The following COL5A1 variants were observed in gnomAD, a reference collection of about 807,000 sequenced individuals.
The protein encoded by COL5A1 is collagen type V alpha 1 chain.
A neutral mutation model predicts 263.7 loss-of-function variants in COL5A1; 16 were observed. The ratio of observed to expected loss-of-function variants is 0.06; its 90% CI spans 0.04 to 0.09. COL5A1 has a LOEUF of 0.09. Ranked by LOEUF, COL5A1 falls within the 10% of genes least tolerant of loss-of-function variation. The pLI is 1.00. For synonymous variants in COL5A1, 1,012 were observed against 1,004.5 expected (o/e 1.01, Z -0.14); for missense variants, 2,036 against 2,540.5 (o/e 0.80, Z 4.27).
chr9:134,703,719 G>A (rs1426434462), intron 4 of COL5A1, among the ~76,000 whole-genome samples: 4 of 136,830 alleles, frequency 2.9e-5, no homozygotes. Context: ...CTCACTGCAA[G>A]CTCTGCCTCC....
chr9:134,760,574 C>A (rs1453169978), intron 18 of COL5A1, among the ~76,000 whole-genome samples: 2 of 126,410 alleles, frequency 1.6e-5, no homozygotes, highest in Non-Finnish European at 3.2e-5. Context: ...ACCCACACAC[C>A]CCCACACTCA....
At chr9:134,753,955 C>A in intron 15 of COL5A1, 52 bp downstream of exon 15, 1 of 1,488,306 alleles carries the variant, frequency 6.7e-7, no homozygotes, top group Non-Finnish European at 9.4e-7. Context: ...CGTTCTCCGG[C>A]GGCAGCGACG....
At chr9:134,828,297 C>T (rs750882611) in intron 63 of COL5A1, among the ~76,000 whole-genome samples, 1 of 152,192 alleles carries the variant, frequency 6.6e-6, no homozygotes, top group Admixed American at 6.5e-5. Context: ...CTGTGGAAAG[C>T]AGGCCTCAGG....
intron 11 of COL5A1, among the ~76,000 whole-genome samples, chr9:134,747,825 T>G (rs1011728391): frequency 1.8e-5 from 1 of 55,982 alleles, no homozygotes; most frequent in Non-Finnish European, 3.2e-5. Context: ...ACACATGCGT[T>G]CATACACATG....
chr9:134,770,883 T>A (rs1836844610), intron 25 of COL5A1, among the ~76,000 whole-genome samples: 1 of 152,246 alleles, frequency 6.6e-6, no homozygotes, highest in African/African-American at 2.4e-5. Context: ...CTTTTCCTGT[T>A]CAAACATTTT....
chr9:134,667,303 C>T (rs988971216), intron 1 of COL5A1, among the ~76,000 whole-genome samples: 10 of 152,232 alleles, frequency 6.6e-5, no homozygotes, highest in African/African-American at 2.4e-4. Context: ...CTGGTGGGCA[C>T]TGGAGGTTTG....
At position 134,828,806 on chromosome 9, in the gene COL5A1, A is replaced by T. The variant is rs113120432; in HGVS notation, c.5068-1170A>T. The stretch of plus-strand genomic sequence containing the variant: ...CACACCATACACAGACATTACACAC[A>T]GATACCACACACACACACCACACAT... On this transcript the variant is annotated intron_variant, in intron 63 of 65. Transcript: ENST00000371817. 2.6e-3 allele frequency among the ~76,000 whole-genome samples: 386 copies of T among 150,162 alleles called. 2 individuals carry two copies. The highest frequency in any genetic ancestry group is 9.0e-3 in the African/African-American group (366 of 40,756).
intron 1 of COL5A1, among the ~76,000 whole-genome samples, chr9:134,659,319 G>T (rs1832128772): frequency 6.6e-6 from 1 of 152,168 alleles, no homozygotes; most frequent in Non-Finnish European, 1.5e-5. Context: ...AACCTGGGCG[G>T]CAGAGGTTGC....
intron 4 of COL5A1, among the ~76,000 whole-genome samples, chr9:134,722,010 C>T (rs767906986): frequency 5.6e-4 from 85 of 152,366 alleles, no homozygotes; most frequent in Admixed American, 2.5e-3. Flanking sequence ...TTAGCACCTG[C>T]GCCTCGGTTT....
chr9:134,665,825 C>T (rs749936538), intron 1 of COL5A1, among the ~76,000 whole-genome samples: 4 of 152,230 alleles, frequency 2.6e-5, no homozygotes, highest in South Asian at 2.1e-4. Flanking sequence ...TGGTGGTTCA[C>T]GCCTCTAATC....
rs766852875 is a variant in COL5A1, at chr9:134,802,993, A to G, written c.3112A>G (p.Lys1038Glu). The G allele has an allele frequency of 3.1e-6, 5 of 1,597,606 alleles. No homozygotes were observed. In the East Asian group the frequency reaches 1.1e-4, roughly 36 times the overall value. Residue 1038 changes from lysine (K) to glutamate (E), a missense_variant and splice_region_variant, in exon 39 of 66, where the codon AAG becomes GAG. Lys to Glu is a moderately conservative substitution (Grantham distance 56). This residue lies in a region of COL5A1 where 1,078 missense variants were observed against 1,521.4 expected (regional missense o/e 0.71). Coordinates refer to ENST00000371817, the MANE Select transcript of COL5A1 (RefSeq NM_000093.5). ...GGGCCTTGCTGGAAAAGAAGGGACGAAGGTGAGTTTCTGGAGCCTTCTGTG... is the reference window on the plus strand; with the variant it reads ...GGGCCTTGCTGGAAAAGAAGGGACGGAGGTGAGTTTCTGGAGCCTTCTGTG... ...LPGLAGKEGT[K>E]GDPGPAGLPG...
rs1479252158 is a variant in COL5A1, at chr9:134,805,078, C to T, written c.3204+14C>T. 1 of 1,613,904 alleles carries T rather than the reference C, an allele frequency of 6.2e-7. No individual in the cohort carries two copies. Among genetic ancestry groups the T allele is most frequent in the East Asian group, 2.2e-5 (1 of 44,874 alleles). On this transcript the variant is annotated intron_variant, in intron 40 of 65. Transcript: ENST00000371817. ...CCTGGTCCAGTGGTGAGTGAGAGGC[C>T]AGGCGGGGAATGAAATGGGACAGGT...
chr9:134,759,894 C>A lies in COL5A1; in HGVS notation c.1935+1598C>A, dbSNP rs1161606339. ...CATGCACACACACCACACAGGCACACACACACCCATGCACCCCCACACTCA... is the reference window on the plus strand; with the variant it reads ...CATGCACACACACCACACAGGCACAAACACACCCATGCACCCCCACACTCA... On this transcript the variant is annotated intron_variant, in intron 18 of 65. Transcript: ENST00000371817. Among the ~76,000 whole-genome samples the A allele has an allele frequency of 2.6e-5, 3 of 115,988 alleles. 1 individual carries two copies. Among genetic ancestry groups the A allele is most frequent in the Non-Finnish European group, 5.1e-5 (3 of 58,370 alleles). 76.1% of individuals were successfully genotyped at this position (115,988 alleles called of 152,430 possible).
chr9:134,814,119 T>C, intron 49 of COL5A1, 83 bp downstream of exon 49: 2 of 1,375,192 alleles, frequency 1.5e-6, no homozygotes, highest in Non-Finnish European at 2.0e-6. Context: ...GCTCTGGCTC[T>C]GCCTTAGCTT....
chr9:134,805,330 A>G, intron 41 of COL5A1, 116 bp downstream of exon 41: 2 of 1,210,788 alleles, frequency 1.7e-6, no homozygotes, highest in Non-Finnish European at 2.4e-6. Context: ...GAGCCTGGGG[A>G]GGATGTGGAG....
intron 64 of COL5A1, among the ~76,000 whole-genome samples, chr9:134,833,496 G>A (rs1839728308): frequency 6.6e-6 from 1 of 152,164 alleles, no homozygotes; most frequent in Admixed American, 6.5e-5. Flanking sequence ...GCACAGGCAG[G>A]GCAGGCAGAT....
intron 64 of COL5A1, 55 bp from the exon 65 acceptor site, chr9:134,834,916 T>C: frequency 1.5e-6 from 2 of 1,291,058 alleles, no homozygotes; most frequent in Non-Finnish European, 1.1e-6. Flanking sequence ...GACGTGGGGC[T>C]TTGTTGCTGT....
At chr9:134,725,086 G>A (rs949066476) in intron 4 of COL5A1, among the ~76,000 whole-genome samples, 5 of 152,142 alleles carry the variant, frequency 3.3e-5, no homozygotes, top group Non-Finnish European at 7.3e-5. Context: ...CCTTGCCTGC[G>A]GCACCGTCTC....
chr9:134,753,759 TC>T, intron 14 of COL5A1, 90 bp from the exon 15 acceptor site: 1 of 540,636 alleles, frequency 1.8e-6, no homozygotes, highest in Non-Finnish European at 3.7e-6. Context: ...CCCTGTCCCC[TC>T]CCCCTGCCCC....
Sources: gnomAD v4.1 joint callset for allele counts (sites outside exome capture counted in the v4.1 genomes callset) on GRCh38, gnomAD v4.1.1 for gene constraint, gnomAD v4.1.1 regional missense constraint, MANE v1.5 for transcripts, NCBI Gene and HGNC (gene_info 2026-07-23, HGNC 2026-07-21) for gene names.